The following DYNC1LI1 variants were observed in gnomAD, a reference collection of about 807,000 sequenced individuals.
The protein encoded by DYNC1LI1 is dynein cytoplasmic 1 light intermediate chain 1, also known as cytoplasmic dynein 1 light intermediate chain 1.
A neutral mutation model predicts 63.8 loss-of-function variants in DYNC1LI1; 19 were observed. The observed-to-expected ratio is 0.30, with a 90% confidence interval of 0.21 to 0.44. DYNC1LI1 has a LOEUF of 0.44. DYNC1LI1 is among the 20% of genes least tolerant of loss of function. The pLI is 1.00. For synonymous variants in DYNC1LI1, 225 were observed against 232.3 expected, an observed-to-expected ratio of 0.97 and a Z score of 0.28; for missense variants, 565 against 630.2, an observed-to-expected ratio of 0.90 and a Z score of 1.11.
chr3:32,544,945 T>C lies in DYNC1LI1; in HGVS notation c.499A>G (p.Ser167Gly), dbSNP rs765477823. 1.2e-5 allele frequency: 20 copies of C among 1,614,018 alleles called. No homozygotes were observed. The African/African-American group carries it at 1.9e-4, about 15-fold the overall frequency. ...TALDSLQKWASVVREHVDKLK... is the reference protein window; with the variant it reads ...TALDSLQKWAGVVREHVDKLK... ...TTGTCAACATGTTCTCTAACAACAC[T>C]TGCCCATTTCTGTAAAGAATCCAAA... is the stretch of plus-strand genomic sequence containing the variant. The change falls in exon 4 of 13, where the codon AGT (serine) becomes GGT (glycine). Residue 167 changes from serine (S) to glycine (G), a missense_variant. Ser to Gly is a moderately conservative substitution (Grantham distance 56). Coordinates refer to ENST00000273130, the MANE Select transcript of DYNC1LI1 (RefSeq NM_016141.4).
chr3:32,555,095 C>G (rs1393665139), intron 2 of DYNC1LI1, among the ~76,000 whole-genome samples: 11 of 152,122 alleles, frequency 7.2e-5, no homozygotes, highest in Admixed American at 7.2e-4. Context: ...GTCTCGAACT[C>G]CTGGCCTCAA....
chr3:32,566,810 T>A, intron 2 of DYNC1LI1: 1 of 339,116 alleles, frequency 2.9e-6, no homozygotes, highest in Non-Finnish European at 5.8e-6. Flanking sequence ...ATATAAAAGG[T>A]AAAAATGAAA....
At chr3:32,556,583 T>C (rs1447868119) in intron 2 of DYNC1LI1, among the ~76,000 whole-genome samples, 1 of 152,210 alleles carries the variant, frequency 6.6e-6, no homozygotes, top group Non-Finnish European at 1.5e-5. Context: ...TCTCATTCTG[T>C]CACCCAAGCT....
chr3:32,529,072 A>C (rs778650494), intron 11 of DYNC1LI1, among the ~76,000 whole-genome samples: 24 of 152,232 alleles, frequency 1.6e-4, no homozygotes, highest in Non-Finnish European at 2.5e-4. Context: ...TAGTATTTAA[A>C]GCATGTTAAT....
rs770426964 is a variant in DYNC1LI1, at chr3:32,545,066, T to C, written c.378A>G (p.Leu126=). ...RCNVWILDGD[L]YHKGLLKFSL... ...AAAATTTAAGGAGGCCTTTGTGATA[T>C]AGGTCTCCATCTAAGATCCAAACAT... The change falls in exon 4 of 13, where the codon CTA becomes CTG. Residue 126 remains leucine (L), a synonymous_variant. Coordinates refer to ENST00000273130, the MANE Select transcript of DYNC1LI1 (RefSeq NM_016141.4). 5.3e-5 allele frequency: 86 copies of C among 1,613,546 alleles called. No individual in the cohort carries two copies. Among genetic ancestry groups the C allele is most frequent in the East Asian group, 6.7e-5 (3 of 44,872 alleles).
chr3:32,533,504 T>C (rs1232593840), intron 7 of DYNC1LI1, among the ~76,000 whole-genome samples: 1 of 151,590 alleles, frequency 6.6e-6, no homozygotes, highest in Non-Finnish European at 1.5e-5. Context: ...ATTAAAAATG[T>C]CATTAGTGTT....
Position 32,570,782 on chromosome 3 carries a change from A to G in DYNC1LI1, c.-12T>C. On this transcript the variant is annotated 5_prime_UTR_variant, in exon 1 of 13. Coordinates refer to ENST00000273130, the MANE Select transcript of DYNC1LI1 (RefSeq NM_016141.4). ...CCCACGGCCGCCATCTTGGTCGGGA[A>G]TCACACCACTCCCGGCAAGACTAAA... 2 of 1,599,852 alleles carry G rather than the reference A, an allele frequency of 1.3e-6. No individual in the cohort carries two copies. Among genetic ancestry groups the G allele is most frequent in the Non-Finnish European group, 1.7e-6 (2 of 1,172,804 alleles).
intron 6 of DYNC1LI1, 34 bp downstream of exon 6, chr3:32,536,977 T>C: frequency 2.5e-6 from 3 of 1,221,704 alleles, no homozygotes; most frequent in Non-Finnish European, 3.5e-6. Context: ...GGTAAAGTGA[T>C]ACACTGAATC....
Position 32,570,814 on chromosome 3 carries a change from A to G in DYNC1LI1, c.-44T>C, listed in dbSNP as rs535824856. ...CACTCCCGGCAAGACTAAATGTGCG[A>G]GGCGGCTGAGGCGGTGGCGGTGGAG... On this transcript the variant is annotated 5_prime_UTR_variant, in exon 1 of 13. Transcript: ENST00000273130. The G allele has an allele frequency of 6.4e-7, 1 of 1,557,424 alleles. No homozygotes were observed. The highest frequency in any genetic ancestry group is 8.7e-7 in the Non-Finnish European group (1 of 1,147,880).
chr3:32,550,800 G>A (rs2125440473), intron 2 of DYNC1LI1, among the ~76,000 whole-genome samples: 1 of 152,218 alleles, frequency 6.6e-6, no homozygotes, highest in Non-Finnish European at 1.5e-5. Context: ...AGTTTCCAGA[G>A]ATGCTGATAC....
At position 32,545,001 on chromosome 3, in the gene DYNC1LI1, A is replaced by G; in HGVS notation, c.443T>C (p.Leu148Pro). ...AVSLKDTLVM[L>P]VVDMSKPWTA... ...CCAAGGCTTTGACATGTCAACAACC[A>G]GCATAACTAGAGTATCCTTCAGAGA... Residue 148 changes from leucine (L) to proline (P), a missense_variant, in exon 4 of 13, where the codon CTG becomes CCG. Physicochemically the swap from Leu to Pro is moderately conservative, Grantham distance 98 (BLOSUM62 -3). Transcript: ENST00000273130. The G allele has an allele frequency of 1.2e-6, 2 of 1,614,120 alleles. No homozygotes were observed. Among genetic ancestry groups the G allele is most frequent in the Non-Finnish European group, 1.7e-6 (2 of 1,179,940 alleles).
chr3:32,535,498 A>G (rs1697762095), intron 6 of DYNC1LI1, among the ~76,000 whole-genome samples: 1 of 152,202 alleles, frequency 6.6e-6, no homozygotes, highest in East Asian at 1.9e-4. Flanking sequence ...TTTCTGGGAC[A>G]TGACCTGAGG....
chr3:32,570,788 C>T lies in DYNC1LI1; in HGVS notation c.-18G>A. 6.3e-7 allele frequency: 1 copy of T among 1,597,960 alleles called. No individual in the cohort carries two copies. Among genetic ancestry groups the T allele is most frequent in the South Asian group, 1.1e-5 (1 of 89,602 alleles). On this transcript the variant is annotated 5_prime_UTR_variant, in exon 1 of 13. In the 5' UTR this introduces an upstream ATG that the reference lacks. Coordinates refer to ENST00000273130, the MANE Select transcript of DYNC1LI1 (RefSeq NM_016141.4). ...GCCGCCATCTTGGTCGGGAATCACA[C>T]CACTCCCGGCAAGACTAAATGTGCG...
chr3:32,544,021 G>A (rs1243232089), intron 4 of DYNC1LI1, among the ~76,000 whole-genome samples: 1 of 151,776 alleles, frequency 6.6e-6, no homozygotes, highest in Non-Finnish European at 1.5e-5. Context: ...AACCAAGATT[G>A]TGCCACTGTA....
At chr3:32,533,623 TG>T (rs151123644) in intron 7 of DYNC1LI1, among the ~76,000 whole-genome samples, 3,640 of 150,544 alleles carry the variant, frequency 0.024, 152 homozygotes, top group African/African-American at 0.085. Context: ...TGGAGTACAG[TG>T]GCTCAACCAT....
chr3:32,547,087 C>A (rs1204734495), intron 2 of DYNC1LI1, among the ~76,000 whole-genome samples: 2 of 151,964 alleles, frequency 1.3e-5, no homozygotes, highest in Admixed American at 6.6e-5. Context: ...ACTAAAAATA[C>A]AAAAAATTAG....
rs1262910413 is a variant in DYNC1LI1, at chr3:32,538,024, T to A, written c.739-920A>T. ...TATATATATAATATATATATATAAT[T>A]TATATATATAATATATATATATAAT... On this transcript the variant is annotated intron_variant, in intron 5 of 12. Transcript: ENST00000273130. 7.7e-4 allele frequency among the ~76,000 whole-genome samples: 10 copies of A among 13,008 alleles called. 1 individual carries two copies. Among genetic ancestry groups the A allele is most frequent in the African/African-American group, 3.9e-3 (7 of 1,798 alleles). 8.5% of individuals were successfully genotyped at this position (13,008 alleles called of 152,430 possible).
chr3:32,533,214 C>A, intron 7 of DYNC1LI1, 117 bp from the exon 8 acceptor site: 1 of 1,369,844 alleles, frequency 7.3e-7, no homozygotes, highest in Non-Finnish European at 9.4e-7. Context: ...TTATGGAAAA[C>A]GAATTAGCTT....
chr3:32,538,048 A>ATTTATATATATAATATATATATATAAAAT (rs372614188), intron 5 of DYNC1LI1, among the ~76,000 whole-genome samples: 1 of 34,786 alleles, frequency 2.9e-5, no homozygotes, highest in Non-Finnish European at 4.8e-5. Context: ...TATATATATA[A>ATTTATATATATAATATATATATATAAAAT]TTATATATAT....
Sources: gnomAD v4.1 joint callset for allele counts (sites outside exome capture counted in the v4.1 genomes callset) on GRCh38, gnomAD v4.1.1 for gene constraint, MANE v1.5 for transcripts, NCBI Gene and HGNC (gene_info 2026-07-23, HGNC 2026-07-21) for gene names.